The following SCMH1 variants were observed in gnomAD, a reference collection of about 807,000 sequenced individuals.
SCMH1 encodes polycomb protein SCMH1.
In SCMH1, 37 loss-of-function variants were observed where a neutral mutation model predicts 70.8. The observed-to-expected ratio is 0.52, with a 90% confidence interval of 0.40 to 0.69. The LOEUF is 0.69. SCMH1 is among the 30% of genes least tolerant of loss of function. The pLI, the probability that SCMH1 is intolerant of heterozygous loss-of-function variation, is 0.00. For missense variants in SCMH1, 607 were observed against 827.3 expected, an observed-to-expected ratio of 0.73 and a Z score of 3.27; for synonymous variants, 292 against 307.4, an observed-to-expected ratio of 0.95 and a Z score of 0.52.
chr1:41,086,613 A>C (rs547135774), intron 8 of SCMH1, among the ~76,000 whole-genome samples: 7 of 152,216 alleles, frequency 4.6e-5, no homozygotes, highest in African/African-American at 1.7e-4. Context: ...TATGTATTAA[A>C]AAAAACCACA....
chr1:41,135,798 T>A (rs931106421), intron 6 of SCMH1, among the ~76,000 whole-genome samples: 2 of 152,216 alleles, frequency 1.3e-5, no homozygotes, highest in Non-Finnish European at 2.9e-5. Context: ...ATTTCCACCA[T>A]TGCAGAAAGT....
At chr1:41,166,105 T>C (rs914840220) in intron 2 of SCMH1, among the ~76,000 whole-genome samples, 10 of 152,068 alleles carry the variant, frequency 6.6e-5, no homozygotes, top group Admixed American at 4.6e-4. Flanking sequence ...TTTGAACAGA[T>C]TGTCCTTTCC....
intron 13 of SCMH1, 135 bp downstream of exon 14, chr1:41,033,848 C>T: frequency 7.7e-7 from 1 of 1,305,360 alleles, no homozygotes; most frequent in Non-Finnish European, 1.1e-6. Flanking sequence ...TGGTGGGTTT[C>T]CAAGGAAAAT....
intron 1 of SCMH1, among the ~76,000 whole-genome samples, chr1:41,214,396 A>AACTTTGACTGAC (rs1553180652): frequency 6.6e-6 from 1 of 152,260 alleles, no homozygotes; most frequent in East Asian, 1.9e-4. Flanking sequence ...AGTCCTTTAT[A>AACTTTGACTGAC]ATTTTCAACA....
chr1:41,070,646 C>CAGTGCTGGTATCCGGTTCAGG (rs771917580), exon 10 of SCMH1: 1 of 1,614,028 alleles, frequency 6.2e-7, no homozygotes, highest in Non-Finnish European at 8.5e-7. Flanking sequence ...TCCTGGGGTA[C>CAGTGCTGGTATCCGGTTCAGG]AGTGCTGGTA....
intron 2 of SCMH1, among the ~76,000 whole-genome samples, chr1:41,171,320 A>C (rs1646768403): frequency 6.6e-6 from 1 of 152,150 alleles, no homozygotes; most frequent in African/African-American, 2.4e-5. Context: ...ATGCAATTCT[A>C]CTGTCAAAAC....
intron 10 of SCMH1, among the ~76,000 whole-genome samples, chr1:41,063,263 G>A (rs1323412335): frequency 1.3e-5 from 2 of 152,068 alleles, no homozygotes; most frequent in Admixed American, 1.3e-4. Context: ...CATGAGGGCA[G>A]GAGGTCGAGA....
intron 10 of SCMH1, among the ~76,000 whole-genome samples, chr1:41,050,853 G>A (rs1647858958): frequency 6.6e-6 from 1 of 152,150 alleles, no homozygotes; most frequent in African/African-American, 2.4e-5. Context: ...AGGTGAGTGT[G>A]AGGGGGATCT....
At chr1:41,155,104 G>C (rs1645401379) in intron 4 of SCMH1, among the ~76,000 whole-genome samples, 1 of 152,094 alleles carries the variant, frequency 6.6e-6, no homozygotes, top group Non-Finnish European at 1.5e-5. Context: ...ATGAGAAAAA[G>C]CCATCTCATT....
intron 12 of SCMH1, chr1:41,045,908 A>C (rs886922373): frequency 6.5e-6 from 1 of 152,768 alleles, no homozygotes; most frequent in African/African-American, 2.4e-5. Flanking sequence ...CCGAGTTAGA[A>C]ATAGCAGGAA....
intron 1 of SCMH1, among the ~76,000 whole-genome samples, chr1:41,205,476 G>A (rs1213924417): frequency 1.3e-5 from 2 of 152,166 alleles, no homozygotes; most frequent in East Asian, 1.9e-4. Context: ...CAATCAATTC[G>A]GGGCTCTCAG....
chr1:41,186,709 T>C (rs908624076), intron 1 of SCMH1, among the ~76,000 whole-genome samples: 2 of 152,164 alleles, frequency 1.3e-5, no homozygotes, highest in African/African-American at 4.8e-5. Context: ...TAATCTGATA[T>C]AATTGGTTTC....
At chr1:41,045,381 G>A (rs2268678) in intron 12 of SCMH1, among the ~76,000 whole-genome samples, 16,485 of 152,094 alleles carry the variant, frequency 0.11, 1,271 homozygotes, top group East Asian at 0.28. Context: ...AGTCACATAA[G>A]CAATACGGAT....
chr1:41,139,787 GAAGGA>G (rs1643883338), intron 6 of SCMH1, among the ~76,000 whole-genome samples: 1 of 152,128 alleles, frequency 6.6e-6, no homozygotes, highest in East Asian at 1.9e-4. Context: ...ACCTATGGCA[GAAGGA>G]AAGACCAAGG....
chr1:41,146,121 T>A (rs1644534041), intron 5 of SCMH1, among the ~76,000 whole-genome samples: 1 of 151,866 alleles, frequency 6.6e-6, no homozygotes, highest in Non-Finnish European at 1.5e-5. Context: ...TCCAGTAGGC[T>A]CAGAAGTAGA....
intron 8 of SCMH1, among the ~76,000 whole-genome samples, chr1:41,076,509 C>T (rs946199164): frequency 6.6e-6 from 1 of 152,040 alleles, no homozygotes; most frequent in Non-Finnish European, 1.5e-5. Context: ...GAGCTTACCT[C>T]CTAGTGAGAG....
intron 1 of SCMH1, among the ~76,000 whole-genome samples, chr1:41,195,592 A>T (rs1387020836): frequency 1.3e-5 from 2 of 152,094 alleles, no homozygotes; most frequent in Non-Finnish European, 2.9e-5. Flanking sequence ...TATATAAAAA[A>T]CTCACAGCTA....
chr1:41,035,388 A>C (rs1219289446), intron 13 of SCMH1, among the ~76,000 whole-genome samples: 1 of 152,228 alleles, frequency 6.6e-6, no homozygotes, highest in African/African-American at 2.4e-5. Flanking sequence ...TCACAGAAGA[A>C]AACCATAGCT....
intron 10 of SCMH1, among the ~76,000 whole-genome samples, chr1:41,065,736 G>C: frequency 6.6e-6 from 1 of 152,060 alleles, no homozygotes; most frequent in East Asian, 1.9e-4. Flanking sequence ...TTCAACAAAT[G>C]GTTCTCAAAC....
Sources: allele counts gnomAD v4.1 joint callset (sites outside exome capture counted in the v4.1 genomes callset), GRCh38; gene constraint gnomAD v4.1.1; transcripts MANE v1.5; gene names NCBI Gene and HGNC (gene_info 2026-07-23, HGNC 2026-07-21).